Variants in KLF12 observed in about 807,000 individuals in gnomAD.
The protein encoded by KLF12 is Krueppel-like factor 12.
Under a neutral mutation model 37.8 loss-of-function variants are expected in KLF12, and 9 were observed. That is an observed-to-expected ratio of 0.24 (90% CI 0.14 to 0.42). The LOEUF is 0.42. Among genes scored for constraint, KLF12 ranks in the 10% least tolerant of loss-of-function variants. The pLI is 1.00. For synonymous variants in KLF12, 208 were observed against 202.1 expected, an observed-to-expected ratio of 1.03 and a Z score of -0.25; for missense variants, 411 against 516.0, an observed-to-expected ratio of 0.80 and a Z score of 1.97.
At chr13:73,904,098 C>T (rs533437174) in intron 3 of KLF12, among the ~76,000 whole-genome samples, 1 of 152,260 alleles carries the variant, frequency 6.6e-6, no homozygotes, top group South Asian at 2.1e-4. Context: ...CAATCAACAA[C>T]CTTTGGGCAA....
At chr13:74,054,803 T>C (rs2138615923) in intron 1 of KLF12, among the ~76,000 whole-genome samples, 1 of 152,290 alleles carries the variant, frequency 6.6e-6, no homozygotes, top group South Asian at 2.1e-4. Context: ...TTTTCCAAAA[T>C]AAAAACAATG....
the KLF12 span, among the ~76,000 whole-genome samples, chr13:74,180,904 A>C: frequency 1.3e-5 from 2 of 152,218 alleles, no homozygotes; most frequent in Non-Finnish European, 2.9e-5. Context: ...AGTACATTTA[A>C]TTTTGTATGT....
At chr13:74,258,686 G>T in the KLF12 span, 1 of 152,064 alleles carries the variant, frequency 6.6e-6, no homozygotes, top group Non-Finnish European at 1.5e-5. Flanking sequence ...TGTATGATGG[G>T]GATGGGCAGT....
chr13:74,260,988 G>A, the KLF12 span, among the ~76,000 whole-genome samples: 1 of 152,164 alleles, frequency 6.6e-6, no homozygotes. Flanking sequence ...GGAACTTGGA[G>A]GCAAGAGTGT....
intron 2 of KLF12, among the ~76,000 whole-genome samples, chr13:73,977,238 T>A (rs1399295062): frequency 6.6e-6 from 1 of 151,650 alleles, no homozygotes; most frequent in African/African-American, 2.4e-5. Flanking sequence ...AGAGATGGGG[T>A]TTCACCATGT....
At chr13:73,738,744 T>C (rs1877720411) in intron 6 of KLF12, among the ~76,000 whole-genome samples, 1 of 152,084 alleles carries the variant, frequency 6.6e-6, no homozygotes, top group Admixed American at 6.6e-5. Context: ...ATGATAAACA[T>C]AGCCACAGTG....
At chr13:73,958,283 G>A (rs935270297) in intron 2 of KLF12, among the ~76,000 whole-genome samples, 15 of 150,512 alleles carry the variant, frequency 1.0e-4, no homozygotes, top group Admixed American at 6.0e-4. Flanking sequence ...TCACTCTGTC[G>A]CCCAGGCTGG....
intron 3 of KLF12, among the ~76,000 whole-genome samples, chr13:73,868,882 C>T (rs1046086062): frequency 1.3e-5 from 2 of 152,156 alleles, no homozygotes; most frequent in African/African-American, 4.8e-5. Flanking sequence ...ATGAAGCTGG[C>T]ATACTTGTTA....
At position 73,982,372 on chromosome 13, in the gene KLF12, T is replaced by C. The variant is rs576102505; in HGVS notation, c.33+12618A>G. Among the ~76,000 whole-genome samples, 440 of 152,234 alleles carry C rather than the reference T, an allele frequency of 2.9e-3. 1 individual carries two copies. Among genetic ancestry groups the C allele is most frequent in the Non-Finnish European group, 5.1e-3 (345 of 68,012 alleles). Reference sequence around the variant, plus strand: ...GGGGATTTTCTTGGTCCCATATGCATTGAAAGGTAAATGTACACTTAGGCA... The same window carrying C: ...GGGGATTTTCTTGGTCCCATATGCACTGAAAGGTAAATGTACACTTAGGCA... On this transcript the variant is annotated intron_variant, in intron 2 of 7. Transcript: ENST00000377669.
At chr13:73,855,985 A>G (rs1885588152) in intron 3 of KLF12, among the ~76,000 whole-genome samples, 1 of 152,336 alleles carries the variant, frequency 6.6e-6, no homozygotes, top group Middle Eastern at 3.4e-3. Context: ...AGAGGGTGAC[A>G]CTATCTAAGG....
the KLF12 span, among the ~76,000 whole-genome samples, chr13:74,228,974 C>A: frequency 7.2e-5 from 11 of 151,914 alleles, no homozygotes; most frequent in Non-Finnish European, 1.3e-4. Context: ...TCACCAAATA[C>A]TAAGAACCCT....
At chr13:73,741,276 G>A (rs1050810460) in intron 6 of KLF12, among the ~76,000 whole-genome samples, 3 of 152,098 alleles carry the variant, frequency 2.0e-5, no homozygotes, top group African/African-American at 2.4e-5. Flanking sequence ...AAGCTCTGCC[G>A]TGGCAACCCA....
At chr13:74,088,894 C>A (rs928928722) in intron 1 of KLF12, among the ~76,000 whole-genome samples, 4 of 151,826 alleles carry the variant, frequency 2.6e-5, no homozygotes, top group Admixed American at 1.3e-4. Flanking sequence ...CACTTGTATG[C>A]ATAACAGGAT....
intron 7 of KLF12, among the ~76,000 whole-genome samples, chr13:73,714,682 C>A (rs2137674954): frequency 6.6e-6 from 1 of 152,226 alleles, no homozygotes; most frequent in South Asian, 2.1e-4. Flanking sequence ...CTCAGGAAGC[C>A]AGAGGATGCC....
intron 6 of KLF12, among the ~76,000 whole-genome samples, chr13:73,732,522 G>A (rs1004647347): frequency 6.6e-6 from 1 of 152,082 alleles, no homozygotes; most frequent in Admixed American, 6.6e-5. Flanking sequence ...TGAAACAGTG[G>A]CTGGCAGAGG....
At chr13:74,267,359 C>G in the KLF12 span, among the ~76,000 whole-genome samples, 1 of 152,168 alleles carries the variant, frequency 6.6e-6, no homozygotes, top group Non-Finnish European at 1.5e-5. Flanking sequence ...TGTCCATCAA[C>G]TGATGAATAG....
the KLF12 span, among the ~76,000 whole-genome samples, chr13:74,280,825 C>CTTTTTTTT: frequency 1.3e-4 from 14 of 110,556 alleles, no homozygotes; most frequent in African/African-American, 4.2e-4. Flanking sequence ...TTTCTTTTTT[C>CTTTTTTTT]TTTTTTTTTT....
chr13:73,832,475 AC>A (rs1884213678), intron 4 of KLF12, among the ~76,000 whole-genome samples: 1 of 152,224 alleles, frequency 6.6e-6, no homozygotes, highest in African/African-American at 2.4e-5. Flanking sequence ...CAAAGGCCAC[AC>A]CGGAGATGAT....
chr13:74,061,137 G>A (rs2138649461), intron 1 of KLF12, among the ~76,000 whole-genome samples: 1 of 152,294 alleles, frequency 6.6e-6, no homozygotes, highest in South Asian at 2.1e-4. Context: ...GTCTTTTTAT[G>A]TAGGAGGTAC....
Sources: allele counts gnomAD v4.1 joint callset (sites outside exome capture counted in the v4.1 genomes callset), GRCh38; gene constraint gnomAD v4.1.1; transcripts MANE v1.5; gene names NCBI Gene and HGNC (gene_info 2026-07-23, HGNC 2026-07-21).